The following ABCD3 variants were observed in gnomAD, a reference collection of about 807,000 sequenced individuals.
The protein encoded by ABCD3 is ATP-binding cassette sub-family D member 3.
ABCD3 carries 41 observed loss-of-function variants against 105.5 expected under a neutral mutation model. That is an observed-to-expected ratio of 0.39 (90% CI 0.30 to 0.50). ABCD3 has a LOEUF of 0.50. Among genes scored for constraint, ABCD3 ranks in the 20% least tolerant of loss-of-function variants. The pLI is 0.84. For missense variants in ABCD3, 622 were observed against 806.3 expected, an observed-to-expected ratio of 0.77 and a Z score of 2.77; for synonymous variants, 258 against 269.0, an observed-to-expected ratio of 0.96 and a Z score of 0.40.
intron 1 of ABCD3, among the ~76,000 whole-genome samples, chr1:94,421,996 G>A (rs529797300): frequency 3.0e-4 from 45 of 152,210 alleles, no homozygotes; most frequent in African/African-American, 1.1e-3. Context: ...TCATGGTGTG[G>A]TCCTTCCCTA....
Position 94,483,153 on chromosome 1 carries a change from A to G in ABCD3, c.828-17A>G. 1.3e-6 allele frequency: 2 copies of G among 1,519,894 alleles called. No individual in the cohort carries two copies. The highest frequency in any genetic ancestry group is 1.8e-6 in the Non-Finnish European group (2 of 1,095,130). The allele number at this position is 1,519,894 out of a possible 1,614,324, so 94.2% of individuals were successfully genotyped here. A position where few individuals can be genotyped will look rare whatever the true frequency, so the allele number is the denominator to read the frequency against. Reference sequence around the variant, plus strand: ...AGGTAACATTAAAATTAATTGCTAAATTATTTTCTTTAATAGTGAAGAAAT... The same window carrying G: ...AGGTAACATTAAAATTAATTGCTAAGTTATTTTCTTTAATAGTGAAGAAAT... On this transcript the variant is annotated splice_polypyrimidine_tract_variant and intron_variant, in intron 9 of 22. Transcript: ENST00000370214.
chr1:94,498,759 T>C (rs1444761895), intron 17 of ABCD3, 24 bp from the exon 18 acceptor site: 2 of 1,613,468 alleles, frequency 1.2e-6, no homozygotes, highest in Non-Finnish European at 1.7e-6. Context: ...ACAATTGTTC[T>C]TCTCCCTTCT....
chr1:94,423,847 C>G (rs967032067), intron 1 of ABCD3, among the ~76,000 whole-genome samples: 4 of 152,142 alleles, frequency 2.6e-5, no homozygotes, highest in Non-Finnish European at 5.9e-5. Flanking sequence ...TACAACTTTC[C>G]TGCAAACTTC....
intron 1 of ABCD3, among the ~76,000 whole-genome samples, chr1:94,447,533 G>T (rs976601704): frequency 6.6e-6 from 1 of 152,228 alleles, no homozygotes; most frequent in Non-Finnish European, 1.5e-5. Context: ...ATTGGAAAGT[G>T]TTGCCACAGG....
At chr1:94,463,613 G>A (rs962246791) in intron 2 of ABCD3, among the ~76,000 whole-genome samples, 9 of 152,142 alleles carry the variant, frequency 5.9e-5, no homozygotes, top group African/African-American at 1.9e-4. Flanking sequence ...GGGTTTTTCT[G>A]GAGTGTCTTG....
At chr1:94,447,601 T>G (rs571776592) in intron 1 of ABCD3, among the ~76,000 whole-genome samples, 1 of 152,310 alleles carries the variant, frequency 6.6e-6, no homozygotes, top group East Asian at 1.9e-4. Flanking sequence ...ATTAAACCTA[T>G]TGATAAAAAA....
chr1:94,473,712 A>G, intron 4 of ABCD3, 54 bp from the exon 5 acceptor site: 1 of 1,267,566 alleles, frequency 7.9e-7, no homozygotes, highest in Non-Finnish European at 1.2e-6. Flanking sequence ...AAGTTTTCCT[A>G]GTGTTAGATT....
chr1:94,406,487 G>T, the ABCD3 span: 1 of 417,084 alleles, frequency 2.4e-6, no homozygotes, highest in Non-Finnish European at 4.8e-6. Flanking sequence ...GAACAGGCTG[G>T]CGCTTCAGTT....
the ABCD3 span, among the ~76,000 whole-genome samples, chr1:94,394,620 G>A: frequency 6.6e-6 from 1 of 152,158 alleles, no homozygotes; most frequent in African/African-American, 2.4e-5. Context: ...AGAGAGCGGA[G>A]AGGAAAATGC....
chr1:94,442,369 A>G (rs527741916), intron 1 of ABCD3, among the ~76,000 whole-genome samples: 1 of 152,282 alleles, frequency 6.6e-6, no homozygotes, highest in East Asian at 1.9e-4. Context: ...GAGGAACCCA[A>G]TTTTATGAGT....
chr1:94,471,684 C>T (rs1195485218), intron 4 of ABCD3, among the ~76,000 whole-genome samples: 3 of 152,048 alleles, frequency 2.0e-5, no homozygotes, highest in East Asian at 1.9e-4. Context: ...ATTGTACATT[C>T]GTACAGGATA....
At chr1:94,484,412 A>G (rs1018519735) in intron 10 of ABCD3, among the ~76,000 whole-genome samples, 5 of 152,232 alleles carry the variant, frequency 3.3e-5, no homozygotes, top group African/African-American at 4.8e-5. Flanking sequence ...GATAGACTGG[A>G]CAAAGAAAAT....
intron 4 of ABCD3, among the ~76,000 whole-genome samples, chr1:94,468,704 A>G (rs905826645): frequency 1.3e-5 from 2 of 152,176 alleles, no homozygotes; most frequent in African/African-American, 4.8e-5. Flanking sequence ...TCCTTAAAGT[A>G]TTTAATCTAA....
chr1:94,433,107 C>T lies in ABCD3; in HGVS notation c.110+14519C>T, dbSNP rs544789480. On this transcript the variant is annotated intron_variant, in intron 1 of 22. Transcript: ENST00000370214. The stretch of plus-strand genomic sequence containing the variant: ...TCCTGACCTCGTGATCCACCCACCT[C>T]GGCCTCCCAAAGTGCTGGGATTACA... 8.6e-5 allele frequency among the ~76,000 whole-genome samples: 13 copies of T among 151,890 alleles called. No individual in the cohort carries two copies. The South Asian group carries it at 1.2e-3, about 15-fold the overall frequency.
chr1:94,388,857 T>C, the ABCD3 span, among the ~76,000 whole-genome samples: 1 of 152,186 alleles, frequency 6.6e-6, no homozygotes, highest in East Asian at 1.9e-4. Flanking sequence ...TAATGATGCA[T>C]TATTGATTTG....
intron 1 of ABCD3, among the ~76,000 whole-genome samples, chr1:94,431,677 C>T (rs1659688530): frequency 6.6e-6 from 1 of 152,184 alleles, no homozygotes; most frequent in Non-Finnish European, 1.5e-5. Context: ...CCTCCCACCT[C>T]AGCCTCCTGA....
intron 10 of ABCD3, among the ~76,000 whole-genome samples, chr1:94,485,246 A>T (rs759731017): frequency 3.3e-5 from 5 of 152,206 alleles, no homozygotes. Context: ...TATTCAAAAG[A>T]TATTGAATGC....
intron 1 of ABCD3, among the ~76,000 whole-genome samples, chr1:94,452,658 T>C (rs564469589): frequency 6.6e-6 from 1 of 152,290 alleles, no homozygotes; most frequent in East Asian, 1.9e-4. Flanking sequence ...AAAATGTTGG[T>C]GTAAGTGGGA....
intron 1 of ABCD3, among the ~76,000 whole-genome samples, chr1:94,457,832 G>C (rs1647655365): frequency 6.6e-6 from 1 of 152,110 alleles, no homozygotes; most frequent in East Asian, 1.9e-4. Context: ...CACAGGTGTT[G>C]ATCCCTGATG....
Sources: allele counts gnomAD v4.1 joint callset (sites outside exome capture counted in the v4.1 genomes callset), GRCh38; gene constraint gnomAD v4.1.1; transcripts MANE v1.5; gene names NCBI Gene and HGNC (gene_info 2026-07-23, HGNC 2026-07-21).